The following PTPN13 variants were observed in gnomAD, a reference collection of about 807,000 sequenced individuals.
The protein encoded by PTPN13 is protein tyrosine phosphatase non-receptor type 13, also known as tyrosine-protein phosphatase non-receptor type 13.
PTPN13 carries 191 observed loss-of-function variants against 284.0 expected under a neutral mutation model. The ratio of observed to expected loss-of-function variants is 0.67; its 90% CI spans 0.60 to 0.76. The LOEUF is 0.76. Among genes scored for constraint, PTPN13 ranks in the 30% least tolerant of loss-of-function variants. The probability of loss-of-function intolerance (pLI) is 0.00; values close to 1 mark genes in which losing one functional copy is unlikely to be tolerated. For synonymous variants in PTPN13, 986 were observed against 1,022.3 expected (o/e 0.96, Z 0.68); for missense variants, 2,797 against 2,939.9 (o/e 0.95, Z 1.12).
chr4:86,666,606 A>G (rs1727106466), intron 2 of PTPN13, among the ~76,000 whole-genome samples: 1 of 152,240 alleles, frequency 6.6e-6, no homozygotes, highest in Non-Finnish European at 1.5e-5. Flanking sequence ...GGTTACAAAA[A>G]CATTTTCTTT....
chr4:86,747,901 T>G (rs2149196331), intron 17 of PTPN13, among the ~76,000 whole-genome samples: 1 of 152,312 alleles, frequency 6.6e-6, no homozygotes, highest in African/African-American at 2.4e-5. Context: ...CATAGAATAT[T>G]GATGCTAGAA....
intron 35 of PTPN13, among the ~76,000 whole-genome samples, chr4:86,776,890 A>G (rs902091057): frequency 2.0e-5 from 3 of 152,190 alleles, no homozygotes; most frequent in African/African-American, 7.2e-5. Flanking sequence ...AAGCTGCACC[A>G]TCGTAAGTTG....
chr4:86,616,970 G>A (rs1720619783), intron 1 of PTPN13, among the ~76,000 whole-genome samples: 2 of 152,096 alleles, frequency 1.3e-5, no homozygotes, highest in Non-Finnish European at 2.9e-5. Flanking sequence ...TAGTTGAGAT[G>A]AGATAGTTTG....
intron 43 of PTPN13, among the ~76,000 whole-genome samples, chr4:86,804,659 T>C (rs1744463877): frequency 6.6e-6 from 1 of 152,240 alleles, no homozygotes; most frequent in African/African-American, 2.4e-5. Context: ...TATTGATTTC[T>C]TCAAGGCATA....
chr4:86,602,849 C>T (rs1484124283), intron 1 of PTPN13, among the ~76,000 whole-genome samples: 1 of 152,046 alleles, frequency 6.6e-6, no homozygotes, highest in Non-Finnish European at 1.5e-5. Flanking sequence ...TGCTGCCACA[C>T]ACACCTGGCT....
intron 1 of PTPN13, among the ~76,000 whole-genome samples, chr4:86,605,398 T>G (rs968609672): frequency 3.3e-5 from 5 of 151,960 alleles, no homozygotes; most frequent in Non-Finnish European, 4.4e-5. Flanking sequence ...CAGAACATTT[T>G]TCCTTTTTAA....
chr4:86,770,218 A>C lies in PTPN13; in HGVS notation c.4803+19A>C. The C allele has an allele frequency of 6.3e-7, 1 of 1,588,760 alleles. No homozygotes were observed. The highest frequency in any genetic ancestry group is 1.3e-5 in the African/African-American group (1 of 74,590). On this transcript the variant is annotated intron_variant, in intron 30 of 47. Coordinates refer to ENST00000411767, the MANE Select transcript of PTPN13 (RefSeq NM_080683.3). ...GCTTTTGGTGAGACTTATGAAAAGT[A>C]ATTTACAGTTTTATAGAATATCAAC...
In PTPN13 at chr4:86,594,541, G is replaced by C. The variant is rs1763403477; in HGVS notation, c.-254G>C. 6.5e-6 allele frequency: 1 copy of C among 152,720 alleles called. No homozygotes were observed. Among genetic ancestry groups the C allele is most frequent in the Non-Finnish European group, 1.5e-5 (1 of 68,386 alleles). 9.5% of individuals were successfully genotyped at this position (152,720 alleles called of 1,614,324 possible). On this transcript the variant is annotated 5_prime_UTR_variant, in exon 1 of 48. Coordinates refer to ENST00000411767, the MANE Select transcript of PTPN13 (RefSeq NM_080683.3). ...GGGTGCGTTGAGCGCTCGGGGGTCA[G>C]GCAGTCGGCCGGGATCGCCGCTGGG...
intron 7 of PTPN13, among the ~76,000 whole-genome samples, chr4:86,705,355 C>T (rs967871214): frequency 7.3e-5 from 9 of 124,078 alleles, no homozygotes; most frequent in Middle Eastern, 4.1e-3. Context: ...AAAAGACATG[C>T]GCAAACAAAC....
At chr4:86,798,486 C>T (rs1478204335) in intron 41 of PTPN13, among the ~76,000 whole-genome samples, 2 of 152,192 alleles carry the variant, frequency 1.3e-5, no homozygotes, top group Non-Finnish European at 2.9e-5. Context: ...AAAACGTATT[C>T]AGGCTTTTAC....
chr4:86,713,615 A>G (rs1052237067), intron 7 of PTPN13, among the ~76,000 whole-genome samples: 3 of 152,124 alleles, frequency 2.0e-5, no homozygotes, highest in African/African-American at 7.2e-5. Context: ...TCTGTTCACC[A>G]TACACAAAGC....
intron 1 of PTPN13, among the ~76,000 whole-genome samples, chr4:86,608,249 A>G (rs1183028322): frequency 6.6e-6 from 1 of 152,110 alleles, no homozygotes; most frequent in East Asian, 1.9e-4. Context: ...AGGAGTAGAG[A>G]GATTCGACTG....
rs185555545 is a variant in PTPN13, at chr4:86,790,537, C to A, written c.6345+4601C>A. On this transcript the variant is annotated intron_variant, in intron 40 of 47. Transcript: ENST00000411767. ...GAAGTTTGTTTGTTGTTTTTAAGTG[C>A]CACACACACACACACACAAAAAGAA... Among the ~76,000 whole-genome samples the A allele has an allele frequency of 1.8e-3, 268 of 150,664 alleles. 2 individuals carry two copies. Among genetic ancestry groups the A allele is most frequent in the Middle Eastern group, 0.01 (3 of 292 alleles).
At chr4:86,685,843 C>T (rs1729391821) in intron 3 of PTPN13, among the ~76,000 whole-genome samples, 1 of 152,174 alleles carries the variant, frequency 6.6e-6, no homozygotes, top group South Asian at 2.1e-4. Context: ...AGATGATTTA[C>T]TTTCTCATCC....
Position 86,716,567 on chromosome 4 carries a change from C to A in PTPN13, c.1233C>A (p.Val411=). Residue 411 remains valine (V), a synonymous_variant, in exon 8 of 48, where the codon GTC becomes GTA. Coordinates refer to ENST00000411767, the MANE Select transcript of PTPN13 (RefSeq NM_080683.3). The part of the protein sequence containing the change: ...VRRYKTYHGD[V]FSTSSESPSI... ...GATACAAAACTTATCATGGTGATGT[C>A]TTTAGTACCTCCAGTGAAAGTCCAT... 6.3e-7 allele frequency: 1 copy of A among 1,599,168 alleles called. No individual in the cohort carries two copies. Among genetic ancestry groups the A allele is most frequent in the Non-Finnish European group, 8.5e-7 (1 of 1,172,830 alleles).
In PTPN13 at chr4:86,635,290, C is replaced by T. The variant is rs770308424; in HGVS notation, c.34C>T (p.Arg12Trp). 65 of 1,606,512 alleles carry T rather than the reference C, an allele frequency of 4.0e-5. 7 individuals carry two copies. In the Middle Eastern group the frequency reaches 7.2e-3, roughly 179 times the overall value. ...GTCACTAGCTGAGGCCCTGGAGGTT[C>T]GGGGTGGACCACTTCAGGAGGAAGA... is the stretch of plus-strand genomic sequence containing the variant. ...HVSLAEALEV[R>W]GGPLQEEEIW... The change falls in exon 2 of 48, where the codon CGG (arginine) becomes TGG (tryptophan). Residue 12 changes from arginine to tryptophan, a missense_variant. Transcript: ENST00000411767.
chr4:86,715,759 A>G (rs1732944717), intron 7 of PTPN13, among the ~76,000 whole-genome samples: 2 of 152,328 alleles, frequency 1.3e-5, no homozygotes, highest in East Asian at 3.9e-4. Context: ...AATGTGAATT[A>G]TGTAAAGGAG....
At chr4:86,693,695 A>G in intron 6 of PTPN13, 21 bp downstream of exon 6, 1 of 1,498,180 alleles carries the variant, frequency 6.7e-7, no homozygotes, top group Non-Finnish European at 9.1e-7. Context: ...ATTAATAGGA[A>G]ATGTCTAGGC....
intron 1 of PTPN13, among the ~76,000 whole-genome samples, chr4:86,626,310 T>C (rs559324059): frequency 3.3e-5 from 5 of 152,286 alleles, no homozygotes; most frequent in African/African-American, 1.2e-4. Flanking sequence ...TTTTAGTTTA[T>C]CTTCTTTCAC....
Sources: allele counts gnomAD v4.1 joint callset (sites outside exome capture counted in the v4.1 genomes callset), GRCh38; gene constraint gnomAD v4.1.1; transcripts MANE v1.5; gene names NCBI Gene and HGNC (gene_info 2026-07-23, HGNC 2026-07-21).